WWOX: variants seen among roughly 807,000 people sequenced by gnomAD.
The protein encoded by WWOX is WW domain-containing oxidoreductase.
In WWOX, 69 loss-of-function variants were observed where a neutral mutation model predicts 46.2. That is an observed-to-expected ratio of 1.49 (90% CI 1.23 to 1.82). WWOX has a LOEUF of 1.82. Ranked by LOEUF, WWOX falls within the 40% of genes most tolerant of loss-of-function variation. The pLI is 0.00. For missense variants in WWOX, 919 were observed against 542.6 expected (o/e 1.69, Z -6.89); for synonymous variants, 359 against 202.6 (o/e 1.77, Z -6.56).
chr16:78,686,029 A>C (rs1230893277), intron 8 of WWOX, among the ~76,000 whole-genome samples: 1 of 152,204 alleles, frequency 6.6e-6, no homozygotes, highest in African/African-American at 2.4e-5. Context: ...GAAAGGAAGA[A>C]ATAAAGAGAA....
chr16:79,102,809 A>C (rs1486288513), intron 8 of WWOX, among the ~76,000 whole-genome samples: 1 of 152,228 alleles, frequency 6.6e-6, no homozygotes, highest in Non-Finnish European at 1.5e-5. Flanking sequence ...CTCCTGCCAA[A>C]GGCAGAACTT....
intron 8 of WWOX, among the ~76,000 whole-genome samples, chr16:78,563,935 C>T (rs201336587): frequency 4.6e-5 from 7 of 152,172 alleles, no homozygotes; most frequent in East Asian, 3.9e-4. Flanking sequence ...TTTGGAAACA[C>T]GGCACAAGCA....
At chr16:78,689,073 GCA>G (rs2047927510) in intron 8 of WWOX, among the ~76,000 whole-genome samples, 1 of 152,122 alleles carries the variant, frequency 6.6e-6, no homozygotes, top group African/African-American at 2.4e-5. Flanking sequence ...ACCCAGGCTT[GCA>G]TATGTCTTTA....
intron 4 of WWOX, among the ~76,000 whole-genome samples, chr16:78,155,159 A>G (rs1334971064): frequency 6.6e-6 from 1 of 151,790 alleles, no homozygotes; most frequent in East Asian, 1.9e-4. Context: ...CAAATTAGGA[A>G]GGAAGGAAGG....
chr16:78,547,285 A>C (rs573016280), intron 8 of WWOX, among the ~76,000 whole-genome samples: 96 of 152,292 alleles, frequency 6.3e-4, no homozygotes, highest in African/African-American at 2.2e-3. Flanking sequence ...GCTCTTTCAA[A>C]TTAATACAAT....
At chr16:79,108,282 T>C (rs1437596886) in intron 8 of WWOX, among the ~76,000 whole-genome samples, 2 of 152,240 alleles carry the variant, frequency 1.3e-5, no homozygotes, top group Non-Finnish European at 2.9e-5. Context: ...AGCGGGGTCC[T>C]GCAGTGCCTT....
intron 8 of WWOX, among the ~76,000 whole-genome samples, chr16:78,604,398 A>G (rs998861637): frequency 5.3e-5 from 8 of 152,138 alleles, no homozygotes; most frequent in African/African-American, 1.4e-4. Context: ...GCAAATATTC[A>G]TGGAGCCCTT....
chr16:78,417,543 A>G (rs1422280007), intron 6 of WWOX, among the ~76,000 whole-genome samples: 4 of 152,238 alleles, frequency 2.6e-5, no homozygotes, highest in Non-Finnish European at 4.4e-5. Flanking sequence ...ATAGCCCTGG[A>G]AAAGTGAGCA....
intron 8 of WWOX, among the ~76,000 whole-genome samples, chr16:78,549,010 A>G (rs1482936763): frequency 6.6e-6 from 1 of 152,194 alleles, no homozygotes; most frequent in African/African-American, 2.4e-5. Context: ...TCATGCTTTT[A>G]AACATCATAC....
chr16:78,774,590 A>G (rs1424903284), intron 8 of WWOX, among the ~76,000 whole-genome samples: 3 of 152,072 alleles, frequency 2.0e-5, no homozygotes, highest in South Asian at 2.1e-4. Context: ...ACATATGCAC[A>G]TAAGATAGCA....
At position 78,483,576 on chromosome 16, in the gene WWOX, C is replaced by T. The variant is rs78275874; in HGVS notation, c.1056+50824C>T. Among the ~76,000 whole-genome samples, 310 of 152,084 alleles carry T rather than the reference C, an allele frequency of 2.0e-3. 4 individuals are homozygous for T. Among genetic ancestry groups the T allele is most frequent in the African/African-American group, 7.0e-3 (290 of 41,486 alleles). On this transcript the variant is annotated intron_variant, in intron 8 of 8. Transcript: ENST00000566780. ...TTCCCAGTGGTGCTGTACGCAGACT[C>T]GGAAAATCAATAGGGATTAACCTTT...
intron 8 of WWOX, among the ~76,000 whole-genome samples, chr16:78,436,671 C>G (rs769523357): frequency 6.6e-6 from 1 of 152,162 alleles, no homozygotes; most frequent in Admixed American, 6.5e-5. Context: ...GCTTGCTTGT[C>G]AAATTCACAG....
chr16:78,169,192 A>G (rs941347164), intron 5 of WWOX, among the ~76,000 whole-genome samples: 3 of 152,174 alleles, frequency 2.0e-5, no homozygotes, highest in African/African-American at 7.2e-5. Flanking sequence ...ACAAGCACCT[A>G]TCGTTTTCCT....
Position 78,625,639 on chromosome 16 carries a change from A to G in WWOX, c.1056+192887A>G, listed in dbSNP as rs944834037. On this transcript the variant is annotated intron_variant, in intron 8 of 8. Transcript: ENST00000566780. ...TGAAATATTAGGTTGTGCAAAAGCA[A>G]TTGTGGTTTTTGCCATTAAAAGTAA... is the stretch of plus-strand genomic sequence containing the variant. 2.6e-5 allele frequency among the ~76,000 whole-genome samples: 4 copies of G among 151,820 alleles called. No individual in the cohort carries two copies. The East Asian group carries it at 5.8e-4, about 22-fold the overall frequency.
chr16:78,796,357 A>G (rs1049963189), intron 8 of WWOX, among the ~76,000 whole-genome samples: 1 of 152,234 alleles, frequency 6.6e-6, no homozygotes, highest in Non-Finnish European at 1.5e-5. Flanking sequence ...ACAGGGGAAG[A>G]AAAAGTACAA....
At chr16:78,367,859 C>G (rs906470996) in intron 5 of WWOX, among the ~76,000 whole-genome samples, 7 of 152,008 alleles carry the variant, frequency 4.6e-5, no homozygotes, top group African/African-American at 1.2e-4. Context: ...CGAGTTCAAG[C>G]TATTCTTCTG....
intron 8 of WWOX, among the ~76,000 whole-genome samples, chr16:79,034,840 G>A (rs2550694): frequency 6.6e-6 from 1 of 151,980 alleles, no homozygotes; most frequent in Non-Finnish European, 1.5e-5. Flanking sequence ...CCCGAGTAGT[G>A]TATTAGGCTA....
chr16:79,129,516 A>T (rs934824564), intron 8 of WWOX, among the ~76,000 whole-genome samples: 1 of 151,754 alleles, frequency 6.6e-6, no homozygotes, highest in Non-Finnish European at 1.5e-5. Flanking sequence ...TTTAAGCTGC[A>T]GAAAATGGCG....
At chr16:78,415,587 G>C (rs999087934) in intron 6 of WWOX, among the ~76,000 whole-genome samples, 24 of 152,126 alleles carry the variant, frequency 1.6e-4, no homozygotes, top group Non-Finnish European at 2.9e-4. Context: ...GATGGAGTCT[G>C]TTAGGTTAGT....
Sources: allele counts gnomAD v4.1 joint callset (sites outside exome capture counted in the v4.1 genomes callset), GRCh38; gene constraint gnomAD v4.1.1; transcripts MANE v1.5; gene names NCBI Gene and HGNC (gene_info 2026-07-23, HGNC 2026-07-21).